Variants in PPARGC1A observed in about 807,000 individuals in gnomAD.
PPARGC1A encodes PPARG coactivator 1 alpha, also known as peroxisome proliferator-activated receptor gamma coactivator 1-alpha.
Under a neutral mutation model 88.7 loss-of-function variants are expected in PPARGC1A, and 25 were observed. That is an observed-to-expected ratio of 0.28 (90% CI 0.21 to 0.39). The LOEUF (loss-of-function observed/expected upper bound fraction) is 0.39, where lower values mean the gene tolerates loss of function less well. Among genes scored for constraint, PPARGC1A ranks in the 10% least tolerant of loss-of-function variants. The probability of loss-of-function intolerance (pLI) is 1.00; values close to 1 mark genes in which losing one functional copy is unlikely to be tolerated. For synonymous variants in PPARGC1A, 363 were observed against 355.6 expected (o/e 1.02, Z -0.24); for missense variants, 880 against 968.7 (o/e 0.91, Z 1.22).
the PPARGC1A span, among the ~76,000 whole-genome samples, chr4:24,168,627 A>AC: frequency 0.014 from 2,122 of 148,850 alleles, 37 homozygotes; most frequent in African/African-American, 0.051. Flanking sequence ...ACACACACAC[A>AC]AACACACAGA....
the PPARGC1A span, among the ~76,000 whole-genome samples, chr4:24,053,207 C>G: frequency 7.9e-5 from 12 of 151,796 alleles, no homozygotes; most frequent in Non-Finnish European, 1.6e-4. Context: ...TTTTCTTACT[C>G]TGCAAGTTCT....
chr4:23,953,382 A>G, the PPARGC1A span, among the ~76,000 whole-genome samples: 1 of 152,118 alleles, frequency 6.6e-6, no homozygotes, highest in African/African-American at 2.4e-5. Context: ...TTTTGAATAA[A>G]TGTCTAGTAG....
At chr4:23,884,548 T>G (rs892782254) in intron 2 of PPARGC1A, 15 of 474,988 alleles carry the variant, frequency 3.2e-5, no homozygotes, top group Non-Finnish European at 5.0e-5. Context: ...AGTTGATTTA[T>G]TTTTTAAATC....
chr4:23,807,322 CCTA>C (rs1719986986), intron 10 of PPARGC1A, among the ~76,000 whole-genome samples: 1 of 152,036 alleles, frequency 6.6e-6, no homozygotes, highest in Non-Finnish European at 1.5e-5. Flanking sequence ...TCAATAAATG[CCTA>C]CTACTAGGGG....
chr4:24,430,383 G>A, the PPARGC1A span, among the ~76,000 whole-genome samples: 243 of 148,536 alleles, frequency 1.6e-3, 1 homozygote, highest in African/African-American at 5.9e-3. Flanking sequence ...TCAGCCTCCC[G>A]AGTAGCTGGG....
chr4:24,398,337 A>G, the PPARGC1A span, among the ~76,000 whole-genome samples: 2 of 152,230 alleles, frequency 1.3e-5, no homozygotes, highest in Admixed American at 6.5e-5. Context: ...TGAGAGAATA[A>G]TAGTTAATTT....
At chr4:23,885,657 T>G (rs941798343) in intron 1 of PPARGC1A, among the ~76,000 whole-genome samples, 1 of 151,986 alleles carries the variant, frequency 6.6e-6, no homozygotes, top group African/African-American at 2.4e-5. Flanking sequence ...TGTGTGTGTG[T>G]GTGTGTATGT....
chr4:24,365,433 T>C, the PPARGC1A span, among the ~76,000 whole-genome samples: 1 of 152,282 alleles, frequency 6.6e-6, no homozygotes, highest in South Asian at 2.1e-4. Flanking sequence ...AGTAATTCAT[T>C]CCTCAGTGCT....
chr4:23,981,915 G>C, the PPARGC1A span, among the ~76,000 whole-genome samples: 5 of 152,044 alleles, frequency 3.3e-5, no homozygotes, highest in Non-Finnish European at 7.4e-5. Context: ...AAGAGTAACT[G>C]AATCGAAGAA....
chr4:24,059,394 T>C, the PPARGC1A span, among the ~76,000 whole-genome samples: 2 of 152,174 alleles, frequency 1.3e-5, no homozygotes, highest in African/African-American at 4.8e-5. Context: ...CTCACCCAAG[T>C]GTACCGCAGA....
At chr4:24,453,780 CA>C in the PPARGC1A span, among the ~76,000 whole-genome samples, 1,598 of 144,248 alleles carry the variant, frequency 0.011, 26 homozygotes, top group African/African-American at 0.035. Context: ...AACTCTGTCT[CA>C]AAAAAAAAAA....
chr4:24,396,950 C>T, the PPARGC1A span, among the ~76,000 whole-genome samples: 10 of 152,116 alleles, frequency 6.6e-5, no homozygotes, highest in Non-Finnish European at 1.2e-4. Context: ...TCCTCTATTC[C>T]AAGACTCTCA....
the PPARGC1A span, among the ~76,000 whole-genome samples, chr4:24,279,098 T>C: frequency 6.6e-6 from 1 of 152,236 alleles, no homozygotes; most frequent in African/African-American, 2.4e-5. Flanking sequence ...CTTTTTTCCA[T>C]CTAACCTTTT....
the PPARGC1A span, among the ~76,000 whole-genome samples, chr4:23,984,582 T>C: frequency 2.0e-5 from 3 of 152,148 alleles, no homozygotes; most frequent in Non-Finnish European, 4.4e-5. Context: ...GGAATAAATT[T>C]TTAAAAATTG....
chr4:24,160,443 C>T, the PPARGC1A span, among the ~76,000 whole-genome samples: 1 of 152,076 alleles, frequency 6.6e-6, no homozygotes, highest in Non-Finnish European at 1.5e-5. Flanking sequence ...TTAAATTTGC[C>T]CAGGTATTCT....
At chr4:23,947,827 C>T in the PPARGC1A span, among the ~76,000 whole-genome samples, 6 of 152,072 alleles carry the variant, frequency 3.9e-5, no homozygotes, top group South Asian at 6.2e-4. Context: ...ATGTGGGAGG[C>T]AGAGAGTGGG....
the PPARGC1A span, among the ~76,000 whole-genome samples, chr4:23,968,132 C>G: frequency 6.6e-6 from 1 of 152,178 alleles, no homozygotes; most frequent in Admixed American, 6.5e-5. Flanking sequence ...TCAGGCAGAA[C>G]AGCCTCCAGA....
the PPARGC1A span, among the ~76,000 whole-genome samples, chr4:24,090,490 A>T: frequency 3.3e-5 from 5 of 152,218 alleles, no homozygotes; most frequent in African/African-American, 1.2e-4. Context: ...TTATAAAAGA[A>T]TTTTTTTAAT....
the PPARGC1A span, among the ~76,000 whole-genome samples, chr4:24,139,130 T>A: frequency 6.6e-6 from 1 of 151,726 alleles, no homozygotes; most frequent in Non-Finnish European, 1.5e-5. Context: ...TTCTCCACTA[T>A]CAGAAACTTT....
Sources: gnomAD v4.1 joint callset for allele counts (sites outside exome capture counted in the v4.1 genomes callset) on GRCh38, gnomAD v4.1.1 for gene constraint, MANE v1.5 for transcripts, NCBI Gene and HGNC (gene_info 2026-07-23, HGNC 2026-07-21) for gene names.